ABTB2: variants seen among roughly 807,000 people sequenced by gnomAD.
ABTB2 encodes the protein ankyrin repeat and BTB/POZ domain-containing protein 2.
ABTB2 carries 56 observed loss-of-function variants against 104.1 expected under a neutral mutation model. The ratio of observed to expected loss-of-function variants is 0.54; its 90% CI spans 0.43 to 0.67. The LOEUF is 0.67. ABTB2 is among the 30% of genes least tolerant of loss of function. The pLI, the probability that ABTB2 is intolerant of heterozygous loss-of-function variation, is 0.00. For synonymous variants in ABTB2, 606 were observed against 608.2 expected (o/e 1.00, Z 0.05); for missense variants, 1,279 against 1,407.7 (o/e 0.91, Z 1.46).
At chr11:34,258,652 C>G (rs544127252) in intron 1 of ABTB2, among the ~76,000 whole-genome samples, 95 of 130,058 alleles carry the variant, frequency 7.3e-4, no homozygotes, top group African/African-American at 2.7e-3. Flanking sequence ...GCTCTTGTTG[C>G]CTAGGCTGGA....
intron 1 of ABTB2, among the ~76,000 whole-genome samples, chr11:34,307,796 T>C (rs1456518834): frequency 6.6e-6 from 1 of 152,186 alleles, no homozygotes; most frequent in East Asian, 1.9e-4. Context: ...TCTCCCGGGT[T>C]TAAGCGATTC....
At chr11:34,164,136 T>A (rs1300487289) in intron 9 of ABTB2, among the ~76,000 whole-genome samples, 2 of 152,218 alleles carry the variant, frequency 1.3e-5, no homozygotes, top group South Asian at 2.1e-4. Flanking sequence ...GCCCCGTTTC[T>A]GCCCTGTAAT....
chr11:34,172,391 A>ATATAT (rs1342794981), intron 4 of ABTB2, among the ~76,000 whole-genome samples: 6 of 26,806 alleles, frequency 2.2e-4, no homozygotes, highest in Non-Finnish European at 3.4e-4. Flanking sequence ...AAAAAAAAAA[A>ATATAT]AAAAATATAT....
intron 1 of ABTB2, among the ~76,000 whole-genome samples, chr11:34,322,786 T>A (rs1324495936): frequency 6.6e-6 from 1 of 151,992 alleles, no homozygotes; most frequent in Non-Finnish European, 1.5e-5. Flanking sequence ...ATCCTCCAAC[T>A]TCAGCCCCCC....
chr11:34,243,363 C>G (rs1853945530), intron 1 of ABTB2, among the ~76,000 whole-genome samples: 1 of 152,164 alleles, frequency 6.6e-6, no homozygotes, highest in Admixed American at 6.5e-5. Context: ...ACTCCGCCTC[C>G]TGGGTTCAAG....
At chr11:34,195,293 C>A (rs921318738) in intron 3 of ABTB2, among the ~76,000 whole-genome samples, 4 of 152,228 alleles carry the variant, frequency 2.6e-5, no homozygotes, top group Non-Finnish European at 5.9e-5. Context: ...ATCTTCCCTG[C>A]TCTTTTTCCT....
At chr11:34,161,119 C>T in intron 10 of ABTB2, 38 bp from the exon 11 acceptor site, 3 of 1,554,750 alleles carry the variant, frequency 1.9e-6, no homozygotes, top group Admixed American at 1.9e-5. Context: ...TCACGCACCA[C>T]AGCTGAGCGC....
intron 1 of ABTB2, among the ~76,000 whole-genome samples, chr11:34,339,982 G>A (rs911907282): frequency 6.6e-6 from 1 of 152,068 alleles, no homozygotes; most frequent in South Asian, 2.1e-4. Flanking sequence ...GTACCAGAAT[G>A]ACAACTGCAC....
intron 1 of ABTB2, among the ~76,000 whole-genome samples, chr11:34,258,746 A>G (rs1590232629): frequency 6.6e-6 from 1 of 151,242 alleles, no homozygotes; most frequent in Non-Finnish European, 1.5e-5. Flanking sequence ...TGAGTAAGGC[A>G]CCTGCCACCA....
chr11:34,352,267 G>C (rs1415695026), intron 1 of ABTB2, among the ~76,000 whole-genome samples: 1 of 152,146 alleles, frequency 6.6e-6, no homozygotes, highest in African/African-American at 2.4e-5. Context: ...ATTCAGAAAA[G>C]TCCTCAGTCA....
chr11:34,270,658 C>T (rs932715249), intron 1 of ABTB2, among the ~76,000 whole-genome samples: 1 of 152,106 alleles, frequency 6.6e-6, no homozygotes, highest in Admixed American at 6.6e-5. Context: ...TTCCTTCCTC[C>T]ACCTCAGAGG....
At chr11:34,187,159 A>G (rs1208181532) in intron 3 of ABTB2, among the ~76,000 whole-genome samples, 1 of 152,206 alleles carries the variant, frequency 6.6e-6, no homozygotes, top group East Asian at 1.9e-4. Flanking sequence ...GCTGTGTACT[A>G]AACAAGCTCT....
chr11:34,164,678 G>T lies in ABTB2; in HGVS notation c.1988+8C>A. On this transcript the variant is annotated splice_region_variant and intron_variant, in intron 9 of 16. Coordinates refer to ENST00000435224, the MANE Select transcript of ABTB2 (RefSeq NM_145804.3). ...ATGTCACACAGGGTGGGAATCCCGG[G>T]CAGGTACCTGTGGCCGTGGGCAGCT... 1 of 1,499,706 alleles carries T rather than the reference G, an allele frequency of 6.7e-7. No homozygotes were observed. The highest frequency in any genetic ancestry group is 1.4e-5 in the South Asian group (1 of 73,324). 92.9% of individuals were successfully genotyped at this position (1,499,706 alleles called of 1,614,324 possible). A position where few individuals can be genotyped will look rare whatever the true frequency, so the allele number is the denominator to read the frequency against.
At chr11:34,192,499 A>G (rs547272643) in intron 3 of ABTB2, among the ~76,000 whole-genome samples, 15 of 151,658 alleles carry the variant, frequency 9.9e-5, no homozygotes, top group Admixed American at 2.6e-4. Flanking sequence ...TCTAGGCCCG[A>G]CCCCCAATCA....
At chr11:34,296,506 T>C (rs1273394264) in intron 1 of ABTB2, among the ~76,000 whole-genome samples, 1 of 152,198 alleles carries the variant, frequency 6.6e-6, no homozygotes, top group East Asian at 1.9e-4. Context: ...TGAGGGCAGG[T>C]AGCTGAAGTC....
chr11:34,176,327 G>A (rs183486660), intron 3 of ABTB2, among the ~76,000 whole-genome samples: 1 of 148,964 alleles, frequency 6.7e-6, no homozygotes, highest in East Asian at 2.0e-4. Flanking sequence ...TTCCTGCTCT[G>A]AGATCACTGA....
At chr11:34,196,268 C>A (rs915759153) in intron 3 of ABTB2, among the ~76,000 whole-genome samples, 1 of 152,124 alleles carries the variant, frequency 6.6e-6, no homozygotes, top group African/African-American at 2.4e-5. Flanking sequence ...AAAAGGTATC[C>A]TAAGACCGGG....
At chr11:34,290,040 T>C (rs547549164) in intron 1 of ABTB2, among the ~76,000 whole-genome samples, 5 of 152,308 alleles carry the variant, frequency 3.3e-5, no homozygotes, top group Admixed American at 3.3e-4. Context: ...CAAATTAACA[T>C]AGATAAATGA....
intron 1 of ABTB2, among the ~76,000 whole-genome samples, chr11:34,304,536 A>G (rs962946732): frequency 8.5e-5 from 13 of 152,234 alleles, no homozygotes; most frequent in African/African-American, 3.1e-4. Flanking sequence ...AAACAGACAC[A>G]GAGGCTAGGC....
Sources: allele counts gnomAD v4.1 joint callset (sites outside exome capture counted in the v4.1 genomes callset), GRCh38; gene constraint gnomAD v4.1.1; transcripts MANE v1.5; gene names NCBI Gene and HGNC (gene_info 2026-07-23, HGNC 2026-07-21).